Variants in CHODL observed in about 807,000 individuals in gnomAD.
CHODL encodes transmembrane protein MT75.
A neutral mutation model predicts 34.5 loss-of-function variants in CHODL; 29 were observed. The ratio of observed to expected loss-of-function variants is 0.84; its 90% CI spans 0.63 to 1.15. The LOEUF (loss-of-function observed/expected upper bound fraction) is 1.15. Among genes scored for constraint, CHODL ranks in the 50% most tolerant of loss-of-function variants. CHODL has a pLI of 0.00. For missense variants in CHODL, 332 were observed against 332.5 expected (o/e 1.00, Z 0.01); for synonymous variants, 125 against 116.1 (o/e 1.08, Z -0.49).
chr21:18,262,872 G>C lies in CHODL; in HGVS notation c.716G>C (p.Cys239Ser). 1 of 1,603,198 alleles carries C rather than the reference G, an allele frequency of 6.2e-7. No individual in the cohort carries two copies. The highest frequency in any genetic ancestry group is 8.5e-7 in the Non-Finnish European group (1 of 1,170,662). The change falls in exon 5 of 6, where the codon TGT (cysteine) becomes TCT (serine). Residue 239 changes from cysteine (C) to serine (S), a missense_variant. Physicochemically the swap from Cys to Ser is moderately radical, Grantham distance 112. Coordinates refer to ENST00000299295, the MANE Select transcript of CHODL (RefSeq NM_024944.3). ...LLILVAFGTC[C>S]FQMLHKSKGR... ...ATACTGGTTGCTTTTGGAACCTGTT[G>C]TTTCCAGATGCTGCATAAAAGGTAA... is the stretch of plus-strand genomic sequence containing the variant.
intron 2 of CHODL, among the ~76,000 whole-genome samples, chr21:18,222,618 G>A (rs957435654): frequency 6.6e-6 from 1 of 152,062 alleles, no homozygotes; most frequent in Non-Finnish European, 1.5e-5. Flanking sequence ...TCCTGCAAGG[G>A]GGAGTCTCTC....
At chr21:18,167,275 GGAAA>G (rs2073169174) in intron 2 of CHODL, among the ~76,000 whole-genome samples, 1 of 144,660 alleles carries the variant, frequency 6.9e-6, no homozygotes, top group Non-Finnish European at 1.5e-5. Flanking sequence ...AGAAGGGGCA[GGAAA>G]GAGTTTTTAC....
intron 2 of CHODL, among the ~76,000 whole-genome samples, chr21:18,180,879 T>C (rs1324791346): frequency 6.6e-6 from 1 of 152,238 alleles, no homozygotes; most frequent in African/African-American, 2.4e-5. Context: ...TGAACTTCAA[T>C]TTCTCCATGT....
intron 2 of CHODL, among the ~76,000 whole-genome samples, chr21:18,225,223 T>G (rs1480376066): frequency 6.6e-6 from 1 of 152,154 alleles, no homozygotes; most frequent in East Asian, 1.9e-4. Context: ...AAGGATGCAA[T>G]TGTTAAGAGG....
intron 2 of CHODL, among the ~76,000 whole-genome samples, chr21:18,204,096 A>G (rs1469143621): frequency 6.6e-6 from 1 of 152,132 alleles, no homozygotes; most frequent in Non-Finnish European, 1.5e-5. Context: ...AGTAAAACAC[A>G]TTTCTATTAA....
At chr21:18,135,532 C>T (rs2072711605) in intron 2 of CHODL, among the ~76,000 whole-genome samples, 1 of 152,228 alleles carries the variant, frequency 6.6e-6, no homozygotes, top group South Asian at 2.1e-4. Context: ...TCCACTGTCT[C>T]CCACTCCTTC....
At chr21:18,139,998 C>T (rs555710589) in intron 2 of CHODL, among the ~76,000 whole-genome samples, 3 of 152,278 alleles carry the variant, frequency 2.0e-5, no homozygotes, top group East Asian at 1.9e-4. Flanking sequence ...GATCCACTTC[C>T]TGTTCCTTAT....
At chr21:18,017,870 T>C (rs2146421492) in intron 1 of CHODL, among the ~76,000 whole-genome samples, 1 of 152,352 alleles carries the variant, frequency 6.6e-6, no homozygotes, top group East Asian at 1.9e-4. Context: ...CTGTGGAGCC[T>C]GAACACTGCA....
chr21:18,212,115 C>A (rs116347739), intron 2 of CHODL, among the ~76,000 whole-genome samples: 3,360 of 152,104 alleles, frequency 0.022, 133 homozygotes, highest in African/African-American at 0.077. Flanking sequence ...TTTCTTTTTG[C>A]TATGGTTATA....
chr21:17,931,210 A>C (rs1278372499), intron 1 of CHODL, among the ~76,000 whole-genome samples: 1 of 152,154 alleles, frequency 6.6e-6, no homozygotes, highest in East Asian at 1.9e-4. Context: ...CCTCCCAATA[A>C]ACCGAGATCA....
intron 2 of CHODL, among the ~76,000 whole-genome samples, chr21:18,141,003 A>G (rs183675323): frequency 6.7e-6 from 1 of 149,974 alleles, no homozygotes; most frequent in Admixed American, 6.6e-5. Flanking sequence ...TTAGATATCA[A>G]TAAGTAGAAT....
intron 2 of CHODL, among the ~76,000 whole-genome samples, chr21:18,062,714 C>T (rs117969131): frequency 2.0e-5 from 3 of 152,114 alleles, no homozygotes; most frequent in Middle Eastern, 3.4e-3. Flanking sequence ...TGCAGTGAGC[C>T]GAGATAGCAC....
At chr21:18,028,527 A>G (rs1040328894) in intron 2 of CHODL, among the ~76,000 whole-genome samples, 2 of 151,368 alleles carry the variant, frequency 1.3e-5, no homozygotes, top group Non-Finnish European at 2.9e-5. Flanking sequence ...GTGAAACCCC[A>G]TCTCTACTAA....
chr21:18,140,741 G>C (rs2146609523), intron 2 of CHODL, among the ~76,000 whole-genome samples: 1 of 152,070 alleles, frequency 6.6e-6, no homozygotes, highest in Admixed American at 6.6e-5. Flanking sequence ...TGGTATGGCT[G>C]GTGGGTTTGT....
chr21:18,043,635 C>T (rs897348935), intron 2 of CHODL, among the ~76,000 whole-genome samples: 12 of 152,024 alleles, frequency 7.9e-5, no homozygotes, highest in Non-Finnish European at 1.3e-4. Flanking sequence ...CACTTCTATT[C>T]TTTCATACTC....
At chr21:18,145,337 T>C (rs542572017) in intron 2 of CHODL, among the ~76,000 whole-genome samples, 2 of 140,986 alleles carry the variant, frequency 1.4e-5, no homozygotes, top group East Asian at 4.2e-4. Flanking sequence ...CTCGGGAGGC[T>C]GAGGCAGGAG....
intron 2 of CHODL, among the ~76,000 whole-genome samples, chr21:18,093,717 T>A (rs958030884): frequency 1.3e-5 from 2 of 151,880 alleles, no homozygotes; most frequent in African/African-American, 4.8e-5. Context: ...TAACATCAAA[T>A]TGAAAATCAT....
At chr21:18,061,014 C>G (rs889393271) in intron 2 of CHODL, among the ~76,000 whole-genome samples, 1 of 152,086 alleles carries the variant, frequency 6.6e-6, no homozygotes, top group East Asian at 1.9e-4. Context: ...CTATAATGAC[C>G]AAAAGAAGTG....
At position 18,159,728 on chromosome 21, in the gene CHODL, G is replaced by C. The variant is rs571991314; in HGVS notation, c.-44-96781G>C. ...ACTTTGGGATACAAATGATCTATAA[G>C]TGGGCCAAATCTAACCATGTGAGTC... is the stretch of plus-strand genomic sequence containing the variant. On this transcript the variant is annotated intron_variant, in intron 2 of 6. Transcript: ENST00000400127. 2.6e-5 allele frequency among the ~76,000 whole-genome samples: 4 copies of C among 152,226 alleles called. No individual in the cohort carries two copies. The East Asian group carries it at 7.7e-4, about 29-fold the overall frequency.
Sources: gnomAD v4.1 joint callset for allele counts (sites outside exome capture counted in the v4.1 genomes callset) on GRCh38, gnomAD v4.1.1 for gene constraint, MANE v1.5 for transcripts, NCBI Gene and HGNC (gene_info 2026-07-23, HGNC 2026-07-21) for gene names.